Variants in TNFAIP8L1 observed in about 807,000 individuals in gnomAD.
TNFAIP8L1 encodes the protein tumor necrosis factor alpha-induced protein 8-like protein 1.
For missense variants in TNFAIP8L1, 225 were observed against 266.1 expected, an observed-to-expected ratio of 0.85 and a Z score of 1.08; for synonymous variants, 127 against 125.6, an observed-to-expected ratio of 1.01 and a Z score of -0.08.
At chr19:4,643,949 G>A (rs1028230025) in intron 1 of TNFAIP8L1, among the ~76,000 whole-genome samples, 21 of 152,052 alleles carry the variant, frequency 1.4e-4, no homozygotes, top group East Asian at 1.9e-4. Flanking sequence ...GGCCGTTCAC[G>A]GTGGCTTATG....
In TNFAIP8L1 at chr19:4,641,317, C is replaced by T. The variant is rs952219716; in HGVS notation, c.-4+1688C>T. On this transcript the variant is annotated intron_variant, in intron 1 of 1. Transcript: ENST00000327473. This position sits in a 1 kb window ranked among gnomAD's most constrained non-coding sequence, Gnocchi z 4.6. ...GGTGCCTTGAGGACAAAACTCCAGC[C>T]GTTGACAGGGGAACACTCCTCCCAG... The T allele has an allele frequency of 6.6e-6, 1 of 152,030 alleles. No individual in the cohort carries two copies. The highest frequency in any genetic ancestry group is 1.5e-5 in the Non-Finnish European group (1 of 68,008). The allele number at this position is 152,030 out of a possible 1,614,324, so 9.4% of individuals were successfully genotyped here. A position where few individuals can be genotyped will look rare whatever the true frequency, so the allele number is the denominator to read the frequency against.
chr19:4,642,881 C>T (rs1240234386), intron 1 of TNFAIP8L1, among the ~76,000 whole-genome samples: 2 of 152,042 alleles, frequency 1.3e-5, no homozygotes, highest in African/African-American at 4.8e-5. Context: ...GACTCAGGTA[C>T]TCACAGGCAC....
At position 4,652,265 on chromosome 19, in the gene TNFAIP8L1, TC is replaced by T; in HGVS notation, c.400del (p.His134ThrfsTer2). ...CRDLLHQAVG[P>X]HLTAKSHGRI... ...GCGACCTGCTGCACCAGGCCGTGGG[TC>T]CCCACCTGACCGCCAAGTCCCACGG... is the stretch of plus-strand genomic sequence containing the variant. On this transcript the variant is annotated frameshift_variant, in exon 2 of 2. Transcript: ENST00000327473. LOFTEE classifies it low-confidence loss of function (END_TRUNC). 6.4e-7 allele frequency: 1 copy of T among 1,563,470 alleles called. No homozygotes were observed.
intron 1 of TNFAIP8L1, among the ~76,000 whole-genome samples, chr19:4,649,070 C>T (rs904618156): frequency 2.0e-5 from 3 of 151,656 alleles, no homozygotes; most frequent in Admixed American, 6.6e-5. Context: ...GCTGGGACTA[C>T]AGGCGCCCAC....
At position 4,651,941 on chromosome 19, in the gene TNFAIP8L1, G is replaced by A. The variant is rs766639426; in HGVS notation, c.72G>A (p.Lys24=). 5 of 1,614,078 alleles carry A rather than the reference G, an allele frequency of 3.1e-6. No homozygotes were observed. The highest frequency in any genetic ancestry group is 4.2e-6 in the Non-Finnish European group (5 of 1,179,950). ...QKKLLSKMAS[K]AVVAVLVDDT... ...AGCTCCTGAGTAAGATGGCGTCCAA[G>A]GCAGTGGTGGCCGTGCTGGTGGATG... Residue 24 remains lysine (K), a synonymous_variant, in exon 2 of 2, where the codon AAG becomes AAA. Coordinates refer to ENST00000327473, the MANE Select transcript of TNFAIP8L1 (RefSeq NM_152362.3).
chr19:4,652,515 C>A lies in TNFAIP8L1; in HGVS notation c.*85C>A. 1 of 1,330,978 alleles carries A rather than the reference C, an allele frequency of 7.5e-7. No homozygotes were observed. Among genetic ancestry groups the A allele is most frequent in the Non-Finnish European group, 1.0e-6 (1 of 994,270 alleles). The allele number at this position is 1,330,978 out of a possible 1,614,324, so 82.4% of individuals were successfully genotyped here. On this transcript the variant is annotated 3_prime_UTR_variant, in exon 2 of 2. Transcript: ENST00000327473. ...GTGGGGTTTGTGGGTTTTTTTCCAC[C>A]TCTTTTCTCCCAATCGGACTCCGGC...
At chr19:4,639,725 C>G (rs1252355880) in intron 1 of TNFAIP8L1, 96 bp downstream of exon 1, 1 of 152,434 alleles carries the variant, frequency 6.6e-6, no homozygotes, top group Admixed American at 6.5e-5. Context: ...CTTCTGCACC[C>G]CACCGCCTGT....
intron 1 of TNFAIP8L1, among the ~76,000 whole-genome samples, chr19:4,642,801 G>A (rs1419484773): frequency 6.6e-6 from 1 of 152,058 alleles, no homozygotes; most frequent in Non-Finnish European, 1.5e-5. Flanking sequence ...GGGCTGCCAG[G>A]AATACTTGGC....
chr19:4,646,829 A>G (rs1391228763), intron 1 of TNFAIP8L1, among the ~76,000 whole-genome samples: 2 of 152,006 alleles, frequency 1.3e-5, no homozygotes, highest in Non-Finnish European at 2.9e-5. Flanking sequence ...ACGGGGTTTC[A>G]CCGTGTTAGC....
rs1463194952 is a variant in TNFAIP8L1, at chr19:4,653,469, G to C, written c.*1039G>C. ...TCGTCTCTACAAAAAAAAAATTATC[G>C]TGGTGGGCCGGGCGTGGTGGCTCAC... On this transcript the variant is annotated 3_prime_UTR_variant, in exon 2 of 2. Coordinates refer to ENST00000327473, the MANE Select transcript of TNFAIP8L1 (RefSeq NM_152362.3). 2 of 165,284 alleles carry C rather than the reference G, an allele frequency of 1.2e-5. No individual in the cohort carries two copies. The highest frequency in any genetic ancestry group is 3.9e-4 in the East Asian group (2 of 5,092). 10.2% of individuals were successfully genotyped at this position (165,284 alleles called of 1,614,324 possible). A position where few individuals can be genotyped will look rare whatever the true frequency, so the allele number is the denominator to read the frequency against.
chr19:4,650,853 G>A (rs1162896673), intron 1 of TNFAIP8L1, among the ~76,000 whole-genome samples: 8 of 152,222 alleles, frequency 5.3e-5, no homozygotes, highest in East Asian at 3.9e-4. Flanking sequence ...GTGTGGTGGC[G>A]GGCGCCTGTA....
At position 4,645,862 on chromosome 19, in the gene TNFAIP8L1, C is replaced by A. The variant is rs961624466; in HGVS notation, c.-3-6005C>A. 5.9e-5 allele frequency among the ~76,000 whole-genome samples: 9 copies of A among 152,106 alleles called. No individual in the cohort carries two copies. The highest frequency in any genetic ancestry group is 2.2e-4 in the African/African-American group (9 of 41,428). On this transcript the variant is annotated intron_variant, in intron 1 of 1. Coordinates refer to ENST00000327473, the MANE Select transcript of TNFAIP8L1 (RefSeq NM_152362.3). The surrounding 1 kb of genome is among the most constrained non-coding windows in gnomAD (Gnocchi z 4.1). ...GGGAGACCTCAGAGCTGTGGACGGACCTGGACAGAGGCTGTGGACAGGGCT... is the reference window on the plus strand; with the variant it reads ...GGGAGACCTCAGAGCTGTGGACGGAACTGGACAGAGGCTGTGGACAGGGCT...
In TNFAIP8L1 at chr19:4,645,475, C is replaced by T. The variant is rs2088301879; in HGVS notation, c.-4+5846C>T. ...CCTGTAGTCCTAGCTACTTGGGAGG[C>T]TGAGGCTGAGGCAGGAGAATCGCTT... On this transcript the variant is annotated intron_variant, in intron 1 of 1. Transcript: ENST00000327473. This position sits in a 1 kb window ranked among gnomAD's most constrained non-coding sequence, Gnocchi z 4.1. Among the ~76,000 whole-genome samples, 1 of 152,020 alleles carries T rather than the reference C, an allele frequency of 6.6e-6. No individual in the cohort carries two copies. Among genetic ancestry groups the T allele is most frequent in the African/African-American group, 2.4e-5 (1 of 41,382 alleles).
rs1253998694 is a variant in TNFAIP8L1 at position 4,653,441 on chromosome 19, CCCT to C, written c.*1013_*1015del. On this transcript the variant is annotated 3_prime_UTR_variant, in exon 2 of 2. Coordinates refer to ENST00000327473, the MANE Select transcript of TNFAIP8L1 (RefSeq NM_152362.3). ...GACCAGTCTGGGCAACATGGTGAGA[CCCT>C]CGTCTCTACAAAAAAAAAATTATCG... The C allele has an allele frequency of 1.2e-5, 2 of 165,934 alleles. No individual in the cohort carries two copies. The highest frequency in any genetic ancestry group is 2.4e-5 in the African/African-American group (1 of 41,064). The allele number at this position is 165,934 out of a possible 1,614,324, so 10.3% of individuals were successfully genotyped here.
chr19:4,644,796 T>G (rs1449880882), intron 1 of TNFAIP8L1, among the ~76,000 whole-genome samples: 1 of 151,948 alleles, frequency 6.6e-6, no homozygotes, highest in Non-Finnish European at 1.5e-5. Flanking sequence ...AGATGGGGTT[T>G]CACCATGTTG....
chr19:4,648,013 G>A (rs373614696), intron 1 of TNFAIP8L1, among the ~76,000 whole-genome samples: 1 of 152,184 alleles, frequency 6.6e-6, no homozygotes, highest in African/African-American at 2.4e-5. Flanking sequence ...TTTGATGCCT[G>A]CTGTATCCCC....
rs916913748 is a variant in TNFAIP8L1, at chr19:4,645,573, C to T, written c.-4+5944C>T. Among the ~76,000 whole-genome samples, 3 of 151,904 alleles carry T rather than the reference C, an allele frequency of 2.0e-5. No homozygotes were observed. The highest frequency in any genetic ancestry group is 7.3e-5 in the African/African-American group (3 of 41,334). On this transcript the variant is annotated intron_variant, in intron 1 of 1. Coordinates refer to ENST00000327473, the MANE Select transcript of TNFAIP8L1 (RefSeq NM_152362.3). The surrounding 1 kb of genome is among the most constrained non-coding windows in gnomAD (Gnocchi z 4.1). ...CTCCAGCCTGGGAGACAGAGCAAGA[C>T]TCCATCTCAAAATACATACAAACAT...
rs996917153 is a variant in TNFAIP8L1 at position 4,645,761 on chromosome 19, G to A, written c.-3-6106G>A. Among the ~76,000 whole-genome samples the A allele has an allele frequency of 3.9e-5, 6 of 151,990 alleles. No homozygotes were observed. The highest frequency in any genetic ancestry group is 1.4e-4 in the African/African-American group (6 of 41,382). ...GCAGGGGAAGAGTCAAGGGAGCCAGGGAGTTGGTGCCTGGTCACCCATTTT... is the reference window on the plus strand; with the variant it reads ...GCAGGGGAAGAGTCAAGGGAGCCAGAGAGTTGGTGCCTGGTCACCCATTTT... On this transcript the variant is annotated intron_variant, in intron 1 of 1. Coordinates refer to ENST00000327473, the MANE Select transcript of TNFAIP8L1 (RefSeq NM_152362.3). The surrounding 1 kb of genome is among the most constrained non-coding windows in gnomAD (Gnocchi z 4.1).
chr19:4,653,445 C>G lies in TNFAIP8L1; in HGVS notation c.*1015C>G, dbSNP rs2088391298. On this transcript the variant is annotated 3_prime_UTR_variant, in exon 2 of 2. Coordinates refer to ENST00000327473, the MANE Select transcript of TNFAIP8L1 (RefSeq NM_152362.3). Reference sequence around the variant, plus strand: ...AGTCTGGGCAACATGGTGAGACCCTCGTCTCTACAAAAAAAAAATTATCGT... The same window carrying G: ...AGTCTGGGCAACATGGTGAGACCCTGGTCTCTACAAAAAAAAAATTATCGT... 1 of 164,992 alleles carries G rather than the reference C, an allele frequency of 6.1e-6. No homozygotes were observed. The highest frequency in any genetic ancestry group is 2.5e-5 in the African/African-American group (1 of 40,770). 10.2% of individuals were successfully genotyped at this position (164,992 alleles called of 1,614,324 possible).
Sources: allele counts gnomAD v4.1 joint callset (sites outside exome capture counted in the v4.1 genomes callset), GRCh38; gene constraint gnomAD v4.1.1; non-coding constraint Gnocchi (gnomAD v3.1); transcripts MANE v1.5; gene names NCBI Gene and HGNC (gene_info 2026-07-23, HGNC 2026-07-21).